CACNA2D1: variants seen among roughly 807,000 people sequenced by gnomAD.
CACNA2D1 encodes calcium voltage-gated channel auxiliary subunit alpha2delta 1.
CACNA2D1 carries 53 observed loss-of-function variants against 171.5 expected under a neutral mutation model. That is an observed-to-expected ratio of 0.31 (90% CI 0.25 to 0.39). The LOEUF is 0.39. CACNA2D1 is among the 10% of genes least tolerant of loss of function. CACNA2D1 has a pLI of 1.00. For missense variants in CACNA2D1, 903 were observed against 1,299.8 expected (o/e 0.69, Z 4.69); for synonymous variants, 442 against 443.1 (o/e 1.00, Z 0.03).
chr7:82,088,384 G>A (rs1810734886), intron 6 of CACNA2D1, among the ~76,000 whole-genome samples: 1 of 152,044 alleles, frequency 6.6e-6, no homozygotes, highest in South Asian at 2.1e-4. Flanking sequence ...TCTAGATTAT[G>A]AAACTGTATT....
chr7:81,961,849 C>T (rs1237626583), intron 36 of CACNA2D1, 45 bp downstream of exon 36: 2 of 785,014 alleles, frequency 2.5e-6, no homozygotes, highest in East Asian at 4.9e-5. Flanking sequence ...ACAGTATATA[C>T]AATTTCTTAA....
intron 1 of CACNA2D1, among the ~76,000 whole-genome samples, chr7:82,415,514 GA>G (rs1373369728): frequency 1.3e-5 from 2 of 151,766 alleles, no homozygotes; most frequent in African/African-American, 4.8e-5. Flanking sequence ...TGGGCGACAA[GA>G]GTGAAACTCC....
intron 1 of CACNA2D1, among the ~76,000 whole-genome samples, chr7:82,409,629 G>A (rs766833251): frequency 8.5e-5 from 13 of 152,144 alleles, no homozygotes; most frequent in South Asian, 2.1e-4. Context: ...TTCCCCAGGC[G>A]ATTCAAATGT....
At chr7:82,155,452 G>A (rs1208164522) in intron 4 of CACNA2D1, among the ~76,000 whole-genome samples, 2 of 152,192 alleles carry the variant, frequency 1.3e-5, no homozygotes, top group Admixed American at 1.3e-4. Flanking sequence ...ACTTCCTCTA[G>A]AGCAAATTTA....
intron 7 of CACNA2D1, among the ~76,000 whole-genome samples, chr7:82,066,744 A>G (rs1342781229): frequency 6.6e-6 from 1 of 152,130 alleles, no homozygotes; most frequent in Non-Finnish European, 1.5e-5. Flanking sequence ...TTCTCTTTTT[A>G]CGAGTTATTT....
rs1491430009 is a variant in CACNA2D1, at chr7:82,060,178, A to ATATATATT, written c.879+249_879+250insAATATATA. Among the ~76,000 whole-genome samples, 2 of 15,898 alleles carry ATATATATT rather than the reference A, an allele frequency of 1.3e-4. 1 individual carries two copies. Among genetic ancestry groups the ATATATATT allele is most frequent in the African/African-American group, 3.4e-4 (2 of 5,914 alleles). 10.4% of individuals were successfully genotyped at this position (15,898 alleles called of 152,430 possible). On this transcript the variant is annotated intron_variant, in intron 10 of 38. Transcript: ENST00000356860. Reference sequence around the variant, plus strand: ...TTATATATATATAATATATATATATAATATATATATATTATATATATATTA... The same window carrying ATATATATT: ...TTATATATATATAATATATATATATATATATATTATATATATATATTATATATATATTA...
intron 3 of CACNA2D1, among the ~76,000 whole-genome samples, chr7:82,272,893 C>T (rs1639250406): frequency 6.6e-6 from 1 of 152,086 alleles, no homozygotes; most frequent in Admixed American, 6.5e-5. Flanking sequence ...AAGACTCATT[C>T]AGGTAAGCCA....
intron 3 of CACNA2D1, among the ~76,000 whole-genome samples, chr7:82,261,217 A>C (rs1346078102): frequency 6.6e-6 from 1 of 152,204 alleles, no homozygotes; most frequent in Non-Finnish European, 1.5e-5. Flanking sequence ...GGCCTCCCAC[A>C]GTGCTGGGAT....
chr7:82,351,558 AC>A (rs1819846986), intron 1 of CACNA2D1, among the ~76,000 whole-genome samples: 1 of 152,124 alleles, frequency 6.6e-6, no homozygotes, highest in Admixed American at 6.5e-5. Context: ...TACTTATTGA[AC>A]CACGCTGTAT....
At chr7:81,958,402 A>G (rs1277343334) in intron 38 of CACNA2D1, among the ~76,000 whole-genome samples, 1 of 152,112 alleles carries the variant, frequency 6.6e-6, no homozygotes, top group Non-Finnish European at 1.5e-5. Context: ...TGGTGTGTGC[A>G]CACACTGAAG....
At chr7:81,963,970 T>A in intron 34 of CACNA2D1, 86 bp downstream of exon 34, 1 of 1,041,258 alleles carries the variant, frequency 9.6e-7, no homozygotes, top group Admixed American at 2.0e-5. Flanking sequence ...AATTTGAATA[T>A]CCCCTAAATC....
intron 1 of CACNA2D1, among the ~76,000 whole-genome samples, chr7:82,358,059 A>G (rs1429405695): frequency 6.6e-6 from 1 of 152,208 alleles, no homozygotes; most frequent in Non-Finnish European, 1.5e-5. Flanking sequence ...AAAAATTTAA[A>G]TATCAAAAGA....
chr7:82,019,483 T>C (rs1800925152), intron 12 of CACNA2D1, among the ~76,000 whole-genome samples: 1 of 152,226 alleles, frequency 6.6e-6, no homozygotes, highest in Non-Finnish European at 1.5e-5. Flanking sequence ...CTACTTGATT[T>C]GAGAAGACTT....
chr7:82,353,500 T>C (rs1820079032), intron 1 of CACNA2D1, among the ~76,000 whole-genome samples: 1 of 151,920 alleles, frequency 6.6e-6, no homozygotes, highest in Admixed American at 6.6e-5. Context: ...GAAATCTCCA[T>C]AGAAATTAAA....
intron 3 of CACNA2D1, among the ~76,000 whole-genome samples, chr7:82,192,960 T>A (rs1798489281): frequency 6.6e-6 from 1 of 151,930 alleles, no homozygotes; most frequent in Admixed American, 6.6e-5. Context: ...AAACAAAAAG[T>A]TATTTTATGA....
chr7:82,373,514 C>A (rs533024195), intron 1 of CACNA2D1, among the ~76,000 whole-genome samples: 1 of 152,248 alleles, frequency 6.6e-6, no homozygotes, highest in East Asian at 1.9e-4. Flanking sequence ...GTTACAGGAT[C>A]TCATACATAA....
chr7:82,366,575 T>A (rs1225052038), intron 1 of CACNA2D1, among the ~76,000 whole-genome samples: 1 of 120,550 alleles, frequency 8.3e-6, no homozygotes, highest in Non-Finnish European at 1.9e-5. Flanking sequence ...TATATGGCTG[T>A]GAAGTATTTC....
intron 24 of CACNA2D1, among the ~76,000 whole-genome samples, chr7:81,979,908 T>C (rs896969877): frequency 2.0e-5 from 3 of 151,880 alleles, no homozygotes; most frequent in Non-Finnish European, 4.4e-5. Flanking sequence ...CTATTGGGTA[T>C]TGAATGTTAA....
intron 24 of CACNA2D1, among the ~76,000 whole-genome samples, chr7:81,978,828 A>T (rs1796147701): frequency 6.8e-6 from 1 of 147,948 alleles, no homozygotes; most frequent in African/African-American, 2.5e-5. Context: ...ATATTTATTT[A>T]TTTATTTATA....
Sources: gnomAD v4.1 joint callset for allele counts (sites outside exome capture counted in the v4.1 genomes callset) on GRCh38, gnomAD v4.1.1 for gene constraint, MANE v1.5 for transcripts, NCBI Gene and HGNC (gene_info 2026-07-23, HGNC 2026-07-21) for gene names.